Variants in KDM4C observed in about 807,000 individuals in gnomAD.
KDM4C encodes the protein lysine-specific demethylase 4C.
Under a neutral mutation model 129.3 loss-of-function variants are expected in KDM4C, and 81 were observed. The ratio of observed to expected loss-of-function variants is 0.63; its 90% confidence interval spans 0.52 to 0.75. The LOEUF (loss-of-function observed/expected upper bound fraction) is 0.75. KDM4C is among the 30% of genes least tolerant of loss of function. The probability of loss-of-function intolerance (pLI) is 0.00; values close to 1 mark genes in which losing one functional copy is unlikely to be tolerated. For missense variants in KDM4C, 1,457 were observed against 1,304.0 expected, an observed-to-expected ratio of 1.12 and a Z score of -1.81; for synonymous variants, 573 against 456.1, an observed-to-expected ratio of 1.26 and a Z score of -3.26.
At chr9:7,050,707 G>C (rs1334393502) in intron 17 of KDM4C, among the ~76,000 whole-genome samples, 1 of 152,086 alleles carries the variant, frequency 6.6e-6, no homozygotes, top group South Asian at 2.1e-4. Context: ...AGTAGTCACT[G>C]CTCTTGAGGC....
chr9:7,011,925 A>T, intron 13 of KDM4C, 46 bp downstream of exon 13: 2 of 1,465,332 alleles, frequency 1.4e-6, no homozygotes, highest in Non-Finnish European at 1.9e-6. Flanking sequence ...TCTGCCTTCC[A>T]TGTGACCACA....
chr9:6,857,519 T>G (rs1411947354), intron 5 of KDM4C, among the ~76,000 whole-genome samples: 4 of 152,282 alleles, frequency 2.6e-5, no homozygotes, highest in African/African-American at 9.6e-5. Context: ...TGTGGACCAC[T>G]GCTCAGCACA....
At chr9:6,836,661 G>A (rs1033019431) in intron 4 of KDM4C, among the ~76,000 whole-genome samples, 1 of 152,034 alleles carries the variant, frequency 6.6e-6, no homozygotes, top group Non-Finnish European at 1.5e-5. Context: ...TGTTTAGTTT[G>A]GCTTATTTTT....
chr9:7,120,381 G>A (rs111266800), intron 18 of KDM4C, among the ~76,000 whole-genome samples: 8 of 152,202 alleles, frequency 5.3e-5, no homozygotes, highest in East Asian at 1.9e-4. Context: ...TCTTATAAGG[G>A]CCTGTATAAT....
At chr9:6,939,877 G>A (rs983467087) in intron 8 of KDM4C, among the ~76,000 whole-genome samples, 3 of 152,112 alleles carry the variant, frequency 2.0e-5, no homozygotes, top group African/African-American at 4.8e-5. Context: ...GAAAGTCTAA[G>A]TAAAAAACGT....
At chr9:6,752,615 G>C (rs1421837862) in intron 1 of KDM4C, among the ~76,000 whole-genome samples, 1 of 151,464 alleles carries the variant, frequency 6.6e-6, no homozygotes, top group African/African-American at 2.4e-5. Flanking sequence ...TCACCATGTT[G>C]GTTAGGCTGA....
intron 12 of KDM4C, among the ~76,000 whole-genome samples, chr9:6,992,573 G>C (rs917882809): frequency 6.6e-6 from 1 of 152,144 alleles, no homozygotes; most frequent in Non-Finnish European, 1.5e-5. Context: ...TCTGTTGCCC[G>C]AAGTAAATTA....
In KDM4C at chr9:6,940,243, A is replaced by G. The variant is rs118025480; in HGVS notation, c.922-40682A>G. Among the ~76,000 whole-genome samples, 1,318 of 152,268 alleles carry G rather than the reference A, an allele frequency of 8.7e-3. 7 individuals are homozygous for G. The highest frequency in any genetic ancestry group is 0.015 in the Non-Finnish European group (1,026 of 68,008). ...GTGGCTGGGACTACAGGCATGTGCC[A>G]TCATGACCAGCTAATTTTTGTATTT... On this transcript the variant is annotated intron_variant, in intron 8 of 21. Transcript: ENST00000381309.
intron 8 of KDM4C, chr9:6,925,029 A>G (rs1368114016): frequency 2.0e-6 from 2 of 985,250 alleles, no homozygotes; most frequent in Non-Finnish European, 1.2e-6. Context: ...AAGTTCTGAA[A>G]TGAACCAGGT....
chr9:6,979,491 C>T (rs1462560948), intron 8 of KDM4C, among the ~76,000 whole-genome samples: 5 of 152,156 alleles, frequency 3.3e-5, no homozygotes, highest in Admixed American at 3.3e-4. Flanking sequence ...TACATGTTGA[C>T]TTGCTGTGGG....
intron 12 of KDM4C, among the ~76,000 whole-genome samples, chr9:6,997,044 C>T (rs1330067852): frequency 6.6e-6 from 1 of 152,174 alleles, no homozygotes; most frequent in Non-Finnish European, 1.5e-5. Flanking sequence ...GAGGGTCAGT[C>T]GGCTCCAGCA....
intron 8 of KDM4C, among the ~76,000 whole-genome samples, chr9:6,931,942 A>G (rs547418972): frequency 1.2e-4 from 18 of 152,348 alleles, no homozygotes; most frequent in Non-Finnish European, 2.4e-4. Flanking sequence ...ATCCTAAGCA[A>G]TAATATGGTC....
Position 7,165,219 on chromosome 9 carries a change from GTC to G in KDM4C, c.2782-15_2782-14del, listed in dbSNP as rs748316420. The G allele has an allele frequency of 2.5e-6, 4 of 1,612,146 alleles. No individual in the cohort carries two copies. Among genetic ancestry groups the G allele is most frequent in the Admixed American group, 1.7e-5 (1 of 59,440 alleles). Reference sequence around the variant, plus strand: ...CTTAGGCACTCCTTTTGAAAAGCCTGTCTCTGTTTATTCTGCAGAGCCGAGAC... The same window carrying G: ...CTTAGGCACTCCTTTTGAAAAGCCTGTCTGTTTATTCTGCAGAGCCGAGAC... On this transcript the variant is annotated splice_polypyrimidine_tract_variant and intron_variant, in intron 19 of 21. Coordinates refer to ENST00000381309, the MANE Select transcript of KDM4C (RefSeq NM_015061.6).
chr9:7,056,350 CA>C (rs60009675), intron 17 of KDM4C, among the ~76,000 whole-genome samples: 40 of 147,458 alleles, frequency 2.7e-4, no homozygotes, highest in East Asian at 4.0e-4. Flanking sequence ...AAGTGTAGTG[CA>C]AAAAAAAAAA....
At chr9:6,826,956 A>G (rs753707901) in intron 4 of KDM4C, among the ~76,000 whole-genome samples, 34 of 152,210 alleles carry the variant, frequency 2.2e-4, no homozygotes, top group Non-Finnish European at 4.7e-4. Context: ...TAAATCTAAT[A>G]TGAAGGATGT....
intron 17 of KDM4C, among the ~76,000 whole-genome samples, chr9:7,103,311 C>G (rs1270999716): frequency 2.0e-5 from 3 of 152,192 alleles, no homozygotes; most frequent in African/African-American, 7.2e-5. Flanking sequence ...CACAGAAAGA[C>G]CTGTCATGCA....
intron 15 of KDM4C, among the ~76,000 whole-genome samples, chr9:7,019,784 A>G (rs1412433923): frequency 6.9e-6 from 1 of 145,252 alleles, no homozygotes; most frequent in Non-Finnish European, 1.5e-5. Context: ...TTATATATAA[A>G]AATATTTTAG....
At chr9:7,167,518 A>G (rs1487369477) in intron 20 of KDM4C, among the ~76,000 whole-genome samples, 2 of 152,242 alleles carry the variant, frequency 1.3e-5, no homozygotes, top group East Asian at 3.8e-4. Context: ...TTCAATGTTA[A>G]AGAAATGTTT....
intron 1 of KDM4C, among the ~76,000 whole-genome samples, chr9:6,724,882 G>A (rs140877284): frequency 1.8e-3 from 272 of 152,150 alleles, no homozygotes; most frequent in African/African-American, 6.4e-3. Flanking sequence ...GACTTAAAAT[G>A]ACATAAATTT....
Sources: allele counts gnomAD v4.1 joint callset (sites outside exome capture counted in the v4.1 genomes callset), GRCh38; gene constraint gnomAD v4.1.1; transcripts MANE v1.5; gene names NCBI Gene and HGNC (gene_info 2026-07-23, HGNC 2026-07-21).